Variants in PRSS54 observed in about 807,000 individuals in gnomAD.
PRSS54 encodes serine protease 54, also known as inactive serine protease 54.
PRSS54 carries 16 observed loss-of-function variants against 19.9 expected under a neutral mutation model. The observed-to-expected ratio is 0.80, with a 90% CI of 0.54 to 1.22. The LOEUF is 1.22. Among genes scored for constraint, PRSS54 ranks in the 50% most tolerant of loss-of-function variants. The pLI is 0.00. For missense variants in PRSS54, 444 were observed against 494.8 expected (o/e 0.90, Z 0.97); for synonymous variants, 177 against 195.8 (o/e 0.90, Z 0.80).
rs544958176 is a variant in PRSS54, at chr16:58,280,475, A to G, written c.937T>C (p.Leu313=). ...GTGATGGTCCTTCTTTGTCCCTGCA[A>G]GTATGATCCAACATGGCCCAGTTCA... is the stretch of plus-strand genomic sequence containing the variant. ...DSELGHVGSY[L]QGQRRTITHS... is the part of the protein sequence containing the mutation. The change falls in exon 7 of 7, where the codon TTG becomes CTG. Residue 313 remains leucine (L), a synonymous_variant. Coordinates refer to ENST00000567164, the MANE Select transcript of PRSS54 (RefSeq NM_001305173.2). 24 of 1,614,196 alleles carry G rather than the reference A, an allele frequency of 1.5e-5. No individual in the cohort carries two copies. In the East Asian group the frequency reaches 4.7e-4, roughly 31 times the overall value.
chr16:58,293,812 A>G lies in PRSS54; in HGVS notation c.5T>C (p.Val2Ala), dbSNP rs762010593. The G allele has an allele frequency of 6.2e-7, 1 of 1,612,476 alleles. No individual in the cohort carries two copies. The highest frequency in any genetic ancestry group is 1.3e-5 in the African/African-American group (1 of 74,876). Residue 2 changes from valine to alanine, a missense_variant, in exon 3 of 7, where the codon GTG (valine) becomes GCG (alanine). By Grantham distance (64) the Val-to-Ala change is moderately conservative. Transcript: ENST00000567164. M[V>A]SAAGLSGDGK... ...ATCCCCAGAGAGACCCGCCGCGGAC[A>G]CCATGGGCAGCTGGGGAAACAAAAC...
rs758007851 is a variant in PRSS54, at chr16:58,280,230, A to G, written c.1182T>C (p.Ser394=). ...VSFVLVFFCS[S]I ...TGGTGGGGTAGCTCCTGGACTAGAT[A>G]CTGCTGCAAAAGAAAACAAGCACGA... The change falls in exon 7 of 7, where the codon AGT becomes AGC. Residue 394 remains serine (S), a synonymous_variant. Coordinates refer to ENST00000567164, the MANE Select transcript of PRSS54 (RefSeq NM_001305173.2). 6.8e-6 allele frequency: 11 copies of G among 1,609,606 alleles called. No homozygotes were observed. In the South Asian group the frequency reaches 1.2e-4, roughly 18 times the overall value.
chr16:58,290,581 A>C (rs1965015653), intron 4 of PRSS54, among the ~76,000 whole-genome samples: 1 of 152,194 alleles, frequency 6.6e-6, no homozygotes, highest in South Asian at 2.1e-4. Flanking sequence ...TATTTGTGGC[A>C]GTAACGTTTG....
chr16:58,293,598 C>T, intron 3 of PRSS54, 134 bp downstream of exon 3: 1 of 1,497,188 alleles, frequency 6.7e-7, no homozygotes. Flanking sequence ...ATGCAGGCCG[C>T]CCGGTGCAAA....
intron 5 of PRSS54, 49 bp downstream of exon 5, chr16:58,285,888 C>T: frequency 6.2e-7 from 1 of 1,605,274 alleles, no homozygotes; most frequent in Middle Eastern, 2.0e-4. Context: ...CAGGTCACCC[C>T]CACTGCCAGC....
chr16:58,281,428 T>C (rs976352086), intron 6 of PRSS54: 1 of 152,406 alleles, frequency 6.6e-6, no homozygotes, highest in Non-Finnish European at 1.5e-5. Context: ...CTCAATAGAA[T>C]ATTAGCTACC....
intron 4 of PRSS54, among the ~76,000 whole-genome samples, 198 bp downstream of exon 4, chr16:58,290,761 G>A (rs1342261586): frequency 6.6e-6 from 1 of 152,180 alleles, no homozygotes; most frequent in Non-Finnish European, 1.5e-5. Flanking sequence ...CCGTTGCAAG[G>A]CCTGCAGTCC....
At position 58,280,464 on chromosome 16, in the gene PRSS54, T is replaced by C. The variant is rs1964690625; in HGVS notation, c.948A>G (p.Gln316=). The change falls in exon 7 of 7, where the codon CAA becomes CAG. Residue 316 remains glutamine, a synonymous_variant. Transcript: ENST00000567164. ...GTCGTGAATGCGTGATGGTCCTTCT[T>C]TGTCCCTGCAAGTATGATCCAACAT... ...LGHVGSYLQG[Q]RRTITHSRLG... 1.9e-6 allele frequency: 3 copies of C among 1,614,098 alleles called. No individual in the cohort carries two copies. Among genetic ancestry groups the C allele is most frequent in the Non-Finnish European group, 2.5e-6 (3 of 1,180,052 alleles).
At chr16:58,287,468 C>T (rs1202971091) in intron 4 of PRSS54, among the ~76,000 whole-genome samples, 2 of 152,180 alleles carry the variant, frequency 1.3e-5, no homozygotes, top group East Asian at 1.9e-4. Flanking sequence ...AGGATGTGAT[C>T]AGACAGAGCT....
intron 3 of PRSS54, chr16:58,293,520 T>C (rs1965082598): frequency 1.0e-6 from 1 of 984,924 alleles, no homozygotes; most frequent in East Asian, 1.1e-4. Flanking sequence ...ACCCTAAGGA[T>C]TGGCCCTGAC....
Position 58,284,758 on chromosome 16 carries a change from G to T in PRSS54, c.523-37C>A. ...AACAGAGAGCCCAGGGATTATTAAC[G>T]AGAAGGCAGTCCCCTATGTCAACAC... is the stretch of plus-strand genomic sequence containing the variant. On this transcript the variant is annotated intron_variant, in intron 5 of 6. Transcript: ENST00000567164. 3.1e-6 allele frequency: 5 copies of T among 1,611,616 alleles called. No homozygotes were observed. In the African/African-American group the frequency reaches 4.0e-5, roughly 13 times the overall value.
In PRSS54 at chr16:58,280,459, C is replaced by T. The variant is rs767013153; in HGVS notation, c.953G>A (p.Arg318Lys). 1.9e-6 allele frequency: 3 copies of T among 1,614,158 alleles called. No homozygotes were observed. Among genetic ancestry groups the T allele is most frequent in the South Asian group, 1.1e-5 (1 of 91,088 alleles). Reference protein sequence around the residue: ...HVGSYLQGQRRTITHSRLGNS... With the variant: ...HVGSYLQGQRKTITHSRLGNS... Reference sequence around the variant, plus strand: ...TCCTAGTCGTGAATGCGTGATGGTCCTTCTTTGTCCCTGCAAGTATGATCC... The same window carrying T: ...TCCTAGTCGTGAATGCGTGATGGTCTTTCTTTGTCCCTGCAAGTATGATCC... Residue 318 changes from arginine to lysine, a missense_variant, in exon 7 of 7, where the codon AGG becomes AAG. Coordinates refer to ENST00000567164, the MANE Select transcript of PRSS54 (RefSeq NM_001305173.2).
chr16:58,290,898 C>T (rs117461698), intron 4 of PRSS54, 61 bp downstream of exon 4: 63,558 of 1,570,036 alleles, frequency 0.04, 1,517 homozygotes, highest in Non-Finnish European at 0.045. Flanking sequence ...GAGCAGGAAA[C>T]AGGGTCGCCC....
intron 4 of PRSS54, among the ~76,000 whole-genome samples, chr16:58,289,465 G>A (rs1252036694): frequency 6.6e-6 from 1 of 152,194 alleles, no homozygotes; most frequent in African/African-American, 2.4e-5. Flanking sequence ...CAAGAAATTG[G>A]TGACAGAATG....
At chr16:58,285,905 G>T (rs200014168) in intron 5 of PRSS54, 32 bp downstream of exon 5, 2 of 1,610,700 alleles carry the variant, frequency 1.2e-6, no homozygotes, top group East Asian at 2.2e-5. Flanking sequence ...CAGCACACAC[G>T]CAGCCTTCTC....
chr16:58,280,442 G>T lies in PRSS54; in HGVS notation c.970C>A (p.Arg324=), dbSNP rs139486663. ...CTATCTCTAGAGCTGTTTCCTAGTC[G>T]TGAATGCGTGATGGTCCTTCTTTGT... ...QGQRRTITHS[R]LGNSSRDSLD... The change falls in exon 7 of 7, where the codon CGA becomes AGA. Residue 324 remains arginine (R), a synonymous_variant. Transcript: ENST00000567164. The T allele has an allele frequency of 6.2e-7, 1 of 1,613,922 alleles. No homozygotes were observed. Among genetic ancestry groups the T allele is most frequent in the African/African-American group, 1.3e-5 (1 of 74,850 alleles).
At chr16:58,286,271 GTTT>G in intron 4 of PRSS54, 76 bp from the exon 5 acceptor site, 5 of 1,516,654 alleles carry the variant, frequency 3.3e-6, no homozygotes, top group Non-Finnish European at 4.5e-6. Flanking sequence ...TCCCATTTAA[GTTT>G]TTTCAGCCTG....
In PRSS54 at chr16:58,286,024, G is replaced by A. The variant is rs774692495; in HGVS notation, c.435C>T (p.Val145=). ...TTCTGCCGAGGAAGCAGATGGACTG[G>A]ACCAGGTTGCCAAAATGCATCGCTG... is the stretch of plus-strand genomic sequence containing the variant. ...TDTAMHFGNL[V]QSICFLGRML... is the part of the protein sequence containing the mutation. Residue 145 remains valine, a synonymous_variant, in exon 5 of 7, where the codon GTC becomes GTT. Coordinates refer to ENST00000567164, the MANE Select transcript of PRSS54 (RefSeq NM_001305173.2). The A allele has an allele frequency of 1.2e-6, 2 of 1,614,186 alleles. No individual in the cohort carries two copies. Among genetic ancestry groups the A allele is most frequent in the Non-Finnish European group, 1.7e-6 (2 of 1,180,040 alleles).
chr16:58,293,475 T>C, intron 3 of PRSS54: 1 of 894,762 alleles, frequency 1.1e-6, no homozygotes. Flanking sequence ...CTCACCCCTG[T>C]ACCCAGAGGG....
Sources: gnomAD v4.1 joint callset for allele counts (sites outside exome capture counted in the v4.1 genomes callset) on GRCh38, gnomAD v4.1.1 for gene constraint, MANE v1.5 for transcripts, NCBI Gene and HGNC (gene_info 2026-07-23, HGNC 2026-07-21) for gene names.